SAMD5: variants seen among roughly 807,000 people sequenced by gnomAD.
The protein encoded by SAMD5 is sterile alpha motif domain containing 5, also known as sterile alpha motif domain-containing protein 5.
A neutral mutation model predicts 11.3 loss-of-function variants in SAMD5; 13 were observed. The ratio of observed to expected loss-of-function variants is 1.15; its 90% CI spans 0.75 to 1.83. The LOEUF (loss-of-function observed/expected upper bound fraction) is 1.83, where lower values mean the gene tolerates loss of function less well. SAMD5 is among the 40% of genes most tolerant of loss of function. The pLI is 0.00. For synonymous variants in SAMD5, 129 were observed against 111.3 expected, an observed-to-expected ratio of 1.16 and a Z score of -1.00; for missense variants, 255 against 239.1, an observed-to-expected ratio of 1.07 and a Z score of -0.44.
In SAMD5 at chr6:147,568,230, A is replaced by T. The variant is rs902976792; in HGVS notation, c.*3774A>T. ...CGGCAAACTCTTTTCTATGAAAAGA[A>T]AAACCAGATATACCAGGGACTGGAA... On this transcript the variant is annotated 3_prime_UTR_variant, in exon 2 of 2. Coordinates refer to ENST00000367474, the MANE Select transcript of SAMD5 (RefSeq NM_001030060.3). The T allele has an allele frequency of 3.0e-6, 3 of 985,320 alleles. No homozygotes were observed. Among genetic ancestry groups the T allele is most frequent in the Non-Finnish European group, 3.6e-6 (3 of 829,940 alleles). The allele number at this position is 985,320 out of a possible 1,614,324, so 61.0% of individuals were successfully genotyped here. A position where few individuals can be genotyped will look rare whatever the true frequency, so the allele number is the denominator to read the frequency against.
chr6:147,819,858 C>T, the SAMD5 span, among the ~76,000 whole-genome samples: 1 of 152,170 alleles, frequency 6.6e-6, no homozygotes, highest in Non-Finnish European at 1.5e-5. Flanking sequence ...ACAGAGGCAG[C>T]TAAGGAGAGG....
chr6:147,547,578 C>T (rs1364649740), intron 1 of SAMD5, among the ~76,000 whole-genome samples: 2 of 152,204 alleles, frequency 1.3e-5, no homozygotes, highest in Non-Finnish European at 2.9e-5. Context: ...TTTAATTTCT[C>T]TGACTTATTA....
chr6:147,548,043 T>G (rs6921185), intron 1 of SAMD5, among the ~76,000 whole-genome samples: 93,264 of 152,024 alleles, frequency 0.61, 29,744 homozygotes, highest in East Asian at 0.91. Context: ...TAGAATAGTT[T>G]ACTTCCTTGA....
At chr6:147,930,791 AAGAG>A in the SAMD5 span, among the ~76,000 whole-genome samples, 2 of 152,164 alleles carry the variant, frequency 1.3e-5, no homozygotes, top group East Asian at 1.9e-4. Context: ...ACTGCTACAA[AAGAG>A]AGAAAGAGAG....
intron 1 of SAMD5, among the ~76,000 whole-genome samples, chr6:147,594,608 CT>C (rs1465533874): frequency 1.3e-5 from 2 of 152,024 alleles, no homozygotes; most frequent in Admixed American, 6.6e-5. Flanking sequence ...CAGAAGTTTC[CT>C]TTTAATAGTC....
intron 1 of SAMD5, among the ~76,000 whole-genome samples, chr6:147,707,720 T>C (rs1022685662): frequency 6.6e-6 from 1 of 152,206 alleles, no homozygotes; most frequent in Non-Finnish European, 1.5e-5. Flanking sequence ...TTACATTCTG[T>C]GACTAAGATG....
chr6:147,836,963 A>C, the SAMD5 span, among the ~76,000 whole-genome samples: 2 of 152,224 alleles, frequency 1.3e-5, no homozygotes, highest in South Asian at 4.1e-4. Flanking sequence ...AGAAAAACAG[A>C]AGGGATTTGT....
intron 1 of SAMD5, among the ~76,000 whole-genome samples, chr6:147,607,942 A>G (rs1789727357): frequency 6.6e-6 from 1 of 152,226 alleles, no homozygotes; most frequent in Admixed American, 6.5e-5. Flanking sequence ...CTGTAGGAAA[A>G]AAAATCTAAT....
At chr6:147,854,583 G>A in the SAMD5 span, among the ~76,000 whole-genome samples, 131 of 152,194 alleles carry the variant, frequency 8.6e-4, no homozygotes, top group Non-Finnish European at 1.3e-3. Context: ...AAACATCATC[G>A]CTTCCTGTAC....
chr6:147,795,786 T>C, the SAMD5 span, among the ~76,000 whole-genome samples: 1 of 149,900 alleles, frequency 6.7e-6, no homozygotes, highest in Admixed American at 6.6e-5. Flanking sequence ...TATCTCATTG[T>C]GGTTTTGATT....
chr6:147,619,360 C>T (rs887933813), intron 1 of SAMD5, among the ~76,000 whole-genome samples: 6 of 152,164 alleles, frequency 3.9e-5, no homozygotes, highest in African/African-American at 1.2e-4. Context: ...TTTCATATTC[C>T]TGCAGAAAAG....
At chr6:147,911,190 G>A in the SAMD5 span, among the ~76,000 whole-genome samples, 1 of 152,200 alleles carries the variant, frequency 6.6e-6, no homozygotes, top group African/African-American at 2.4e-5. Context: ...CATAGTGAAT[G>A]AGAAGGAAGC....
the SAMD5 span, among the ~76,000 whole-genome samples, chr6:147,890,919 G>A: frequency 6.6e-6 from 1 of 152,136 alleles, no homozygotes; most frequent in African/African-American, 2.4e-5. Context: ...ATGACCATCA[G>A]TTGACAATGG....
chr6:147,795,121 T>A, the SAMD5 span, among the ~76,000 whole-genome samples: 1 of 150,786 alleles, frequency 6.6e-6, no homozygotes, highest in Non-Finnish European at 1.5e-5. Flanking sequence ...TTGTGCAGGT[T>A]AGTTACATAC....
the SAMD5 span, among the ~76,000 whole-genome samples, chr6:147,882,790 T>A: frequency 6.6e-6 from 1 of 152,152 alleles, no homozygotes; most frequent in African/African-American, 2.4e-5. Flanking sequence ...AAGATATAGA[T>A]CTTGTGTACA....
chr6:147,903,777 G>A, the SAMD5 span, among the ~76,000 whole-genome samples: 47 of 152,056 alleles, frequency 3.1e-4, no homozygotes, highest in South Asian at 4.2e-4. Context: ...GCTTGGTGGC[G>A]CATGCCTGTA....
intron 1 of SAMD5, among the ~76,000 whole-genome samples, chr6:147,665,807 G>C (rs919438787): frequency 6.6e-6 from 1 of 152,212 alleles, no homozygotes; most frequent in Non-Finnish European, 1.5e-5. Context: ...TTCTGTGAAA[G>C]TCTTAGAAAT....
chr6:147,848,008 T>C, the SAMD5 span, among the ~76,000 whole-genome samples: 4 of 152,356 alleles, frequency 2.6e-5, no homozygotes, highest in South Asian at 4.1e-4. Flanking sequence ...ATCCCTTTAG[T>C]ATCCATTGTT....
chr6:147,793,375 A>G, the SAMD5 span, among the ~76,000 whole-genome samples: 3 of 152,200 alleles, frequency 2.0e-5, no homozygotes, highest in Admixed American at 6.5e-5. Context: ...AAACTGTCCC[A>G]GCCAAGAGGA....
Sources: allele counts gnomAD v4.1 joint callset (sites outside exome capture counted in the v4.1 genomes callset), GRCh38; gene constraint gnomAD v4.1.1; transcripts MANE v1.5; gene names NCBI Gene and HGNC (gene_info 2026-07-23, HGNC 2026-07-21).